ESRRG: variants seen among roughly 807,000 people sequenced by gnomAD.
ESRRG encodes estrogen-related receptor gamma.
In ESRRG, 13 loss-of-function variants were observed where a neutral mutation model predicts 44.0. That is an observed-to-expected ratio of 0.30 (90% CI 0.19 to 0.47). The LOEUF is 0.47. Ranked by LOEUF, ESRRG falls within the 20% of genes least tolerant of loss-of-function variation. ESRRG has a pLI of 1.00. For synonymous variants in ESRRG, 215 were observed against 214.6 expected (o/e 1.00, Z -0.02); for missense variants, 395 against 580.6 (o/e 0.68, Z 3.29).
At chr1:217,114,784 G>A (rs1428528019) in intron 1 of ESRRG, among the ~76,000 whole-genome samples, 1 of 150,564 alleles carries the variant, frequency 6.6e-6, no homozygotes, top group Non-Finnish European at 1.5e-5. Flanking sequence ...AGCCTCCCGA[G>A]TAGCTGGGAT....
intron 5 of ESRRG, among the ~76,000 whole-genome samples, chr1:216,523,538 T>G (rs1572228338): frequency 6.6e-6 from 1 of 150,996 alleles, no homozygotes; most frequent in East Asian, 2.0e-4. Flanking sequence ...ACTGATGCAC[T>G]TTGCAGTCAA....
chr1:216,901,896 G>C (rs1433873784), intron 2 of ESRRG, among the ~76,000 whole-genome samples: 3 of 151,996 alleles, frequency 2.0e-5, no homozygotes, highest in Admixed American at 2.0e-4. Flanking sequence ...GGGACTCCAG[G>C]TATGCACCAC....
At chr1:216,851,202 T>C (rs2095837930) in intron 2 of ESRRG, among the ~76,000 whole-genome samples, 1 of 151,914 alleles carries the variant, frequency 6.6e-6, no homozygotes. Context: ...GATAATTTTT[T>C]GTAAAGAAAG....
At chr1:217,043,016 T>G (rs2151149068) in intron 1 of ESRRG, among the ~76,000 whole-genome samples, 1 of 152,288 alleles carries the variant, frequency 6.6e-6, no homozygotes, top group East Asian at 1.9e-4. Context: ...TCAAACATGT[T>G]AAAATGCATT....
chr1:216,794,533 A>G (rs1387005012), intron 2 of ESRRG, among the ~76,000 whole-genome samples: 1 of 152,240 alleles, frequency 6.6e-6, no homozygotes, highest in African/African-American at 2.4e-5. Flanking sequence ...ATTACCATGT[A>G]GAGAAATAAA....
intron 5 of ESRRG, among the ~76,000 whole-genome samples, chr1:216,541,913 G>A (rs988022779): frequency 3.3e-5 from 5 of 151,812 alleles, no homozygotes; most frequent in African/African-American, 1.2e-4. Flanking sequence ...ATTCCTGGGA[G>A]CTTTGACTAC....
At chr1:216,978,859 T>C (rs903188646) in intron 1 of ESRRG, among the ~76,000 whole-genome samples, 22 of 152,120 alleles carry the variant, frequency 1.4e-4, no homozygotes, top group African/African-American at 4.6e-4. Context: ...CCTCTTCAGC[T>C]TTTTTTCCCC....
At chr1:216,953,343 G>A (rs2067302312) in intron 1 of ESRRG, among the ~76,000 whole-genome samples, 2 of 152,072 alleles carry the variant, frequency 1.3e-5, no homozygotes, top group South Asian at 2.1e-4. Context: ...ACCTCTGCAC[G>A]ACCGCACCTG....
intron 1 of ESRRG, among the ~76,000 whole-genome samples, chr1:216,967,779 T>A (rs1445324981): frequency 6.6e-6 from 1 of 152,076 alleles, no homozygotes; most frequent in African/African-American, 2.4e-5. Flanking sequence ...AATCATATAG[T>A]AAGAGTGTGT....
intron 5 of ESRRG, among the ~76,000 whole-genome samples, chr1:216,562,706 G>A (rs1435156485): frequency 6.6e-6 from 1 of 151,990 alleles, no homozygotes. Context: ...GGGTGAAAAT[G>A]ATGATATTTA....
At chr1:216,975,206 A>C (rs1189410098) in intron 1 of ESRRG, among the ~76,000 whole-genome samples, 1 of 152,240 alleles carries the variant, frequency 6.6e-6, no homozygotes, top group Non-Finnish European at 1.5e-5. Flanking sequence ...GGACTCAGAA[A>C]TGAGATCAGA....
In ESRRG at chr1:216,885,844, A is replaced by G. The variant is rs573441864; in HGVS notation, c.-14+53738T>C. On this transcript the variant is annotated intron_variant, in intron 2 of 7. Coordinates refer to the ESRRG transcript ENST00000359162. ...TGTGGCCCTCCTCCCTCCCTCAGAT[A>G]AAACAAGCTATGCTTACTCCCAGTT... 7.2e-5 allele frequency among the ~76,000 whole-genome samples: 11 copies of G among 152,162 alleles called. No homozygotes were observed. The South Asian group carries it at 2.3e-3, about 32-fold the overall frequency.
At chr1:216,822,614 G>T (rs529500879) in intron 2 of ESRRG, among the ~76,000 whole-genome samples, 5 of 152,258 alleles carry the variant, frequency 3.3e-5, no homozygotes, top group Non-Finnish European at 5.9e-5. Context: ...CAGGTGTGTG[G>T]AAGGCTTATC....
chr1:216,866,838 T>C (rs1577405962), intron 2 of ESRRG, among the ~76,000 whole-genome samples: 1 of 152,292 alleles, frequency 6.6e-6, no homozygotes, highest in East Asian at 1.9e-4. Flanking sequence ...TTAGATTTTC[T>C]TTCATTTTTT....
intron 2 of ESRRG, among the ~76,000 whole-genome samples, chr1:216,846,164 T>C (rs1263728074): frequency 6.6e-6 from 1 of 152,184 alleles, no homozygotes; most frequent in Non-Finnish European, 1.5e-5. Flanking sequence ...TTGGACATCT[T>C]TACATGGTCA....
At chr1:216,537,038 G>T (rs2051187867) in intron 5 of ESRRG, among the ~76,000 whole-genome samples, 1 of 152,034 alleles carries the variant, frequency 6.6e-6, no homozygotes, top group Admixed American at 6.6e-5. Flanking sequence ...GGAGGTGAGA[G>T]AGCAAGTCCT....
Position 216,671,658 on chromosome 1 carries a change from G to A in ESRRG, c.472+5418C>T, listed in dbSNP as rs556962627. On this transcript the variant is annotated intron_variant, in intron 2 of 6. Coordinates refer to ENST00000408911, the MANE Select transcript of ESRRG (RefSeq NM_001438.4). ...CAGCTGGTAAGTGGCTGAGACTTGGGCCTGGCTTTATATAAATCCAAAACC... is the reference window on the plus strand; with the variant it reads ...CAGCTGGTAAGTGGCTGAGACTTGGACCTGGCTTTATATAAATCCAAAACC... Among the ~76,000 whole-genome samples, 20 of 152,222 alleles carry A rather than the reference G, an allele frequency of 1.3e-4. 1 individual carries two copies. The highest frequency in any genetic ancestry group is 4.6e-4 in the African/African-American group (19 of 41,540).
At chr1:216,516,668 C>CACACACACACAGAGAGAGAGAGAG (rs376701865) in intron 6 of ESRRG, among the ~76,000 whole-genome samples, 13 of 137,168 alleles carry the variant, frequency 9.5e-5, no homozygotes, top group African/African-American at 3.8e-4. Context: ...CACACACACA[C>CACACACACACAGAGAGAGAGAGAG]AGAGAGAGAG....
intron 3 of ESRRG, among the ~76,000 whole-genome samples, chr1:216,625,902 T>C (rs2063113334): frequency 6.6e-6 from 1 of 152,196 alleles, no homozygotes; most frequent in South Asian, 2.1e-4. Flanking sequence ...TCTCTCCCTG[T>C]CTTACTGTCT....
Sources: gnomAD v4.1 joint callset for allele counts (sites outside exome capture counted in the v4.1 genomes callset) on GRCh38, gnomAD v4.1.1 for gene constraint, MANE v1.5 for transcripts, NCBI Gene and HGNC (gene_info 2026-07-23, HGNC 2026-07-21) for gene names.